Variants in CLIC4 observed in about 807,000 individuals in gnomAD.
The protein encoded by CLIC4 is CLIC family member 4, also known as chloride intracellular channel protein 4.
CLIC4 carries 13 observed loss-of-function variants against 24.6 expected under a neutral mutation model. That is an observed-to-expected ratio of 0.53 (90% CI 0.34 to 0.84). The LOEUF (loss-of-function observed/expected upper bound fraction) is 0.84. Among genes scored for constraint, CLIC4 ranks in the 40% least tolerant of loss-of-function variants. The pLI is 0.01. For missense variants in CLIC4, 227 were observed against 301.7 expected, an observed-to-expected ratio of 0.75 and a Z score of 1.83; for synonymous variants, 104 against 111.3, an observed-to-expected ratio of 0.93 and a Z score of 0.41.
chr1:24,781,752 G>A (rs1639208413), intron 1 of CLIC4, among the ~76,000 whole-genome samples: 2 of 151,572 alleles, frequency 1.3e-5, no homozygotes, highest in African/African-American at 4.8e-5. Context: ...ACCACTTTAA[G>A]GGAATCTCCT....
chr1:24,801,998 G>A (rs1253566597), intron 2 of CLIC4, among the ~76,000 whole-genome samples: 1 of 151,922 alleles, frequency 6.6e-6, no homozygotes, highest in African/African-American at 2.4e-5. Context: ...TGTACACAAA[G>A]CAAGTTTCCC....
chr1:24,775,356 T>C (rs574619649), intron 1 of CLIC4, among the ~76,000 whole-genome samples: 1 of 151,540 alleles, frequency 6.6e-6, no homozygotes, highest in African/African-American at 2.4e-5. Flanking sequence ...GGGAAAATTT[T>C]GGCCGTTATT....
intron 1 of CLIC4, among the ~76,000 whole-genome samples, chr1:24,790,314 T>C (rs988342002): frequency 2.6e-5 from 4 of 152,202 alleles, no homozygotes; most frequent in Admixed American, 2.6e-4. Flanking sequence ...TCAGGTGATC[T>C]GCCTGCCTTG....
intron 1 of CLIC4, among the ~76,000 whole-genome samples, chr1:24,773,081 A>G (rs1639091990): frequency 6.6e-6 from 1 of 152,084 alleles, no homozygotes; most frequent in Non-Finnish European, 1.5e-5. Flanking sequence ...TCCCCCACAT[A>G]TCTCATTTAC....
At chr1:24,809,471 T>A (rs1283849664) in intron 2 of CLIC4, among the ~76,000 whole-genome samples, 4 of 152,140 alleles carry the variant, frequency 2.6e-5, no homozygotes, top group Non-Finnish European at 5.9e-5. Context: ...CATGATATAT[T>A]TAAAAATACT....
At chr1:24,797,513 C>T (rs1237241468) in intron 1 of CLIC4, among the ~76,000 whole-genome samples, 1 of 147,452 alleles carries the variant, frequency 6.8e-6, no homozygotes, top group Non-Finnish European at 1.5e-5. Context: ...TGAGATCGCA[C>T]CACTGCACTC....
intron 1 of CLIC4, among the ~76,000 whole-genome samples, chr1:24,779,189 G>A (rs1011887595): frequency 2.0e-5 from 3 of 152,074 alleles, no homozygotes; most frequent in African/African-American, 7.2e-5. Flanking sequence ...AATACCCCAG[G>A]CTGGGCATGG....
chr1:24,782,611 T>C (rs1182678696), intron 1 of CLIC4, among the ~76,000 whole-genome samples: 3 of 152,122 alleles, frequency 2.0e-5, no homozygotes, highest in Non-Finnish European at 4.4e-5. Flanking sequence ...ATTTAGAAAC[T>C]ATTAGGACTG....
At chr1:24,796,964 T>A (rs144081687) in intron 1 of CLIC4, among the ~76,000 whole-genome samples, 4,577 of 150,670 alleles carry the variant, frequency 0.03, 159 homozygotes, top group African/African-American at 0.082. Flanking sequence ...TTATTTATTT[T>A]TTTTTTTTGA....
chr1:24,795,219 C>CAT (rs893433457), intron 1 of CLIC4, among the ~76,000 whole-genome samples: 9 of 152,136 alleles, frequency 5.9e-5, no homozygotes, highest in Non-Finnish European at 1.3e-4. Flanking sequence ...CACCTTGGGG[C>CAT]ATACATGATG....
intron 3 of CLIC4, among the ~76,000 whole-genome samples, chr1:24,825,631 T>C (rs1224361634): frequency 2.0e-5 from 3 of 152,240 alleles, no homozygotes; most frequent in Non-Finnish European, 4.4e-5. Flanking sequence ...GGTACACTTA[T>C]TAAAAAAGAT....
chr1:24,753,386 A>C (rs1638803890), intron 1 of CLIC4, among the ~76,000 whole-genome samples: 1 of 152,204 alleles, frequency 6.6e-6, no homozygotes, highest in Non-Finnish European at 1.5e-5. Context: ...TTTTATTGGA[A>C]AGAAAACAAT....
intron 1 of CLIC4, among the ~76,000 whole-genome samples, chr1:24,785,615 A>G (rs888556465): frequency 4.6e-5 from 7 of 152,290 alleles, no homozygotes; most frequent in Middle Eastern, 6.8e-3. Context: ...GCACTTTGGG[A>G]GGCCAAGGTG....
chr1:24,826,977 G>A (rs781506958), intron 3 of CLIC4, 33 bp from the exon 4 acceptor site: 38 of 1,444,548 alleles, frequency 2.6e-5, no homozygotes, highest in Non-Finnish European at 3.5e-5. Flanking sequence ...CATCTTTGAA[G>A]GATCTATAAT....
chr1:24,782,973 C>CT (rs1245602656), intron 1 of CLIC4, among the ~76,000 whole-genome samples: 1 of 151,784 alleles, frequency 6.6e-6, no homozygotes, highest in Non-Finnish European at 1.5e-5. Flanking sequence ...GAGCAAGACC[C>CT]TGTCTCAAAA....
At chr1:24,776,728 G>A (rs1253410119) in intron 1 of CLIC4, among the ~76,000 whole-genome samples, 3 of 151,932 alleles carry the variant, frequency 2.0e-5, no homozygotes, top group Non-Finnish European at 2.9e-5. Flanking sequence ...ATCACCAGAG[G>A]TCAGGAAACC....
chr1:24,771,726 T>C (rs1423570092), intron 1 of CLIC4: 4 of 362,836 alleles, frequency 1.1e-5, no homozygotes, highest in African/African-American at 8.4e-5. Flanking sequence ...TATTCAGTTA[T>C]TGAACTTGAG....
intron 3 of CLIC4, among the ~76,000 whole-genome samples, chr1:24,824,759 G>A (rs961851148): frequency 6.6e-6 from 1 of 152,104 alleles, no homozygotes; most frequent in African/African-American, 2.4e-5. Flanking sequence ...AGCACTTTGG[G>A]AGGCTGAGGC....
At chr1:24,811,663 A>G (rs1396904527) in intron 2 of CLIC4, among the ~76,000 whole-genome samples, 1 of 152,090 alleles carries the variant, frequency 6.6e-6, no homozygotes, top group Admixed American at 6.6e-5. Flanking sequence ...TTTTATAGAG[A>G]TGGGATCTCA....
Sources: allele counts gnomAD v4.1 joint callset (sites outside exome capture counted in the v4.1 genomes callset), GRCh38; gene constraint gnomAD v4.1.1; transcripts MANE v1.5; gene names NCBI Gene and HGNC (gene_info 2026-07-23, HGNC 2026-07-21).